PNPLA6: variants seen among roughly 807,000 people sequenced by gnomAD.
The protein encoded by PNPLA6 is patatin-like phospholipase domain-containing protein 6.
In PNPLA6, 105 loss-of-function variants were observed where a neutral mutation model predicts 153.7. The observed-to-expected ratio is 0.68, with a 90% CI of 0.58 to 0.80. PNPLA6 has a LOEUF of 0.80. PNPLA6 is among the 30% of genes least tolerant of loss of function. The pLI is 0.00. For missense variants in PNPLA6, 1,423 were observed against 1,919.3 expected (o/e 0.74, Z 4.83); for synonymous variants, 825 against 822.2 (o/e 1.00, Z -0.06).
Position 7,561,053 on chromosome 19 carries a change from G to C in PNPLA6, c.3856G>C (p.Glu1286Gln). ...FPSSGFTDLA[E>Q]IVSRIEPPTS... ...AAGCTCTGGCTTCACTGACTTGGCA[G>C]AGATTGTGTCCCGGATTGAGCCCCC... The change falls in exon 30 of 32, where the codon GAG becomes CAG. Residue 1286 changes from glutamate to glutamine, a missense_variant. Glu to Gln is a conservative substitution (Grantham distance 29, BLOSUM62 2). This residue lies in a region of PNPLA6 where 643 missense variants were observed against 835.2 expected (regional missense o/e 0.77). Transcript: ENST00000600737. The C allele has an allele frequency of 6.2e-7, 1 of 1,613,460 alleles. No individual in the cohort carries two copies. The highest frequency in any genetic ancestry group is 1.1e-5 in the South Asian group (1 of 90,844).
chr19:7,535,560 C>T (rs759671675), upstream of PNPLA6: 17 of 1,604,536 alleles, frequency 1.1e-5, no homozygotes, highest in Non-Finnish European at 1.2e-5. This position sits in a 1 kb window ranked among gnomAD's most constrained non-coding sequence, Gnocchi z 5.0. Flanking sequence ...GATGGAGGCT[C>T]CGCTGCAAAC....
Position 7,554,977 on chromosome 19 carries a change from C to G in PNPLA6, c.2719C>G (p.Arg907Gly). 1 of 1,592,452 alleles carries G rather than the reference C, an allele frequency of 6.3e-7. No homozygotes were observed. The highest frequency in any genetic ancestry group is 1.7e-5 in the Admixed American group (1 of 59,068). The change falls in exon 22 of 32, where the codon CGC becomes GGC. Residue 907 changes from arginine to glycine, a missense_variant. Transcript: ENST00000600737. ...CCGAGAGGAGGGCGCGGGCCCCACG[C>G]GCACCGTGGAGTGGCTAAATATGCG... is the stretch of plus-strand genomic sequence containing the variant. ...LHREEGAGPT[R>G]TVEWLNMRSW...
chr19:7,549,485 CT>C (rs1475730051), intron 13 of PNPLA6, among the ~76,000 whole-genome samples: 1 of 46,838 alleles, frequency 2.1e-5, no homozygotes, highest in African/African-American at 9.3e-5. Context: ...CGCGCCTGGC[CT>C]TCTTCTTCTT....
rs764984037 is a variant in PNPLA6 at position 7,536,246 on chromosome 19, C to T, written c.288C>T (p.Leu96=). 2.7e-5 allele frequency: 44 copies of T among 1,613,832 alleles called. No individual in the cohort carries two copies. Among genetic ancestry groups the T allele is most frequent in the Non-Finnish European group, 3.6e-5 (42 of 1,179,878 alleles). Residue 96 remains leucine, a synonymous_variant, in exon 2 of 32, where the codon CTC becomes CTT. Coordinates refer to ENST00000600737, the MANE Select transcript of PNPLA6 (RefSeq NM_001166114.2). ...GGTTCCGGAAGAGGGACAAAGTGCTCTTCTATGGCCGGAAGATTATGCGGA... is the reference window on the plus strand; with the variant it reads ...GGTTCCGGAAGAGGGACAAAGTGCTTTTCTATGGCCGGAAGATTATGCGGA... ...RYRFRKRDKV[L]FYGRKIMRKV... is the part of the protein sequence containing the mutation.
At chr19:7,559,297 T>C (rs909025929) in intron 28 of PNPLA6, 146 bp downstream of exon 28, 8 of 766,976 alleles carry the variant, frequency 1.0e-5, no homozygotes, top group African/African-American at 1.7e-5. Flanking sequence ...CAGTGATCAA[T>C]TGGTGATGTC....
Position 7,554,564 on chromosome 19 carries a change from G to A in PNPLA6, c.2475G>A (p.Glu825=), listed in dbSNP as rs747350161. 18 of 1,613,986 alleles carry A rather than the reference G, an allele frequency of 1.1e-5. No homozygotes were observed. The highest frequency in any genetic ancestry group is 1.4e-5 in the Non-Finnish European group (17 of 1,180,010). The change falls in exon 21 of 32, where the codon GAG becomes GAA. Residue 825 remains glutamate (E), a synonymous_variant. Transcript: ENST00000600737. The part of the protein sequence containing the change: ...LGASALDSIQ[E]FRLSGWLAQQ... The stretch of plus-strand genomic sequence containing the variant: ...CCCCTTCCCACCCTAGCATCCAAGA[G>A]TTCCGGCTGTCAGGGTGGCTGGCCC...
At position 7,548,118 on chromosome 19, in the gene PNPLA6, G is replaced by T. The variant is rs140499507; in HGVS notation, c.1609-1789G>T. Among the ~76,000 whole-genome samples the T allele has an allele frequency of 6.2e-3, 941 of 151,466 alleles. 9 individuals are homozygous for T. Among genetic ancestry groups the T allele is most frequent in the African/African-American group, 0.022 (893 of 41,388 alleles). On this transcript the variant is annotated intron_variant, in intron 13 of 31. Coordinates refer to ENST00000600737, the MANE Select transcript of PNPLA6 (RefSeq NM_001166114.2). ...CCCAGCACTTTGAGAGGCCAAGGCG[G>T]TTGGATCACTGAGGTCAGGAGTTCA...
In PNPLA6 at chr19:7,541,737, C is replaced by T. The variant is rs575314762; in HGVS notation, c.1168+53C>T. On this transcript the variant is annotated intron_variant, in intron 9 of 31. Transcript: ENST00000600737. The surrounding 1 kb of genome is among the most constrained non-coding windows in gnomAD (Gnocchi z 5.2). The stretch of plus-strand genomic sequence containing the variant: ...CCCAATCTCCCAGGAAGCCCCGTCT[C>T]AGCCGCCAGCCCCTTTTTCAGTTCT... 4 of 1,523,954 alleles carry T rather than the reference C, an allele frequency of 2.6e-6. No individual in the cohort carries two copies. In the African/African-American group the frequency reaches 5.5e-5, roughly 21 times the overall value. 94.4% of individuals were successfully genotyped at this position (1,523,954 alleles called of 1,614,324 possible). A position where few individuals can be genotyped will look rare whatever the true frequency, so the allele number is the denominator to read the frequency against.
intron 29 of PNPLA6, 124 bp downstream of exon 29, chr19:7,560,888 C>T: frequency 1.2e-6 from 1 of 847,914 alleles, no homozygotes; most frequent in South Asian, 1.4e-5. Flanking sequence ...GCTCTCAGAC[C>T]TCTGCTGACT....
upstream of PNPLA6, chr19:7,534,769 C>T (rs2022760661): frequency 6.6e-6 from 1 of 152,514 alleles, no homozygotes; most frequent in African/African-American, 2.4e-5. Flanking sequence ...CACCATCGGT[C>T]CCGGAGTCCC....
chr19:7,540,081 G>T lies in PNPLA6; in HGVS notation c.554+23G>T. On this transcript the variant is annotated intron_variant, in intron 4 of 31. Coordinates refer to ENST00000600737, the MANE Select transcript of PNPLA6 (RefSeq NM_001166114.2). The surrounding 1 kb of genome is among the most constrained non-coding windows in gnomAD (Gnocchi z 6.8). ...CCGGTCAGTGTTGGGGTGCAGGTGG[G>T]GGTGGAGGGCTGCAGACGTGGGGCC... 1.2e-6 allele frequency: 2 copies of T among 1,614,034 alleles called. No homozygotes were observed. Among genetic ancestry groups the T allele is most frequent in the South Asian group, 2.2e-5 (2 of 91,080 alleles).
chr19:7,560,960 G>T (rs890440189), intron 29 of PNPLA6, 54 bp from the exon 30 acceptor site: 26 of 1,190,248 alleles, frequency 2.2e-5, no homozygotes, highest in Non-Finnish European at 2.9e-5. Context: ...GCCCCCCAGG[G>T]GCCCCAAGAC....
chr19:7,541,790 C>G lies in PNPLA6; in HGVS notation c.1168+106C>G. ...ATAGAGTCAACCTGACCTTGTCCAG[C>G]CCCACAGGGACTCCATAGCGGGGTA... is the stretch of plus-strand genomic sequence containing the variant. On this transcript the variant is annotated intron_variant, in intron 9 of 31. Transcript: ENST00000600737. The surrounding 1 kb of genome is among the most constrained non-coding windows in gnomAD (Gnocchi z 5.2). 1.5e-6 allele frequency: 2 copies of G among 1,307,564 alleles called. No individual in the cohort carries two copies. Among genetic ancestry groups the G allele is most frequent in the Non-Finnish European group, 2.1e-6 (2 of 938,926 alleles). The allele number at this position is 1,307,564 out of a possible 1,614,324, so 81.0% of individuals were successfully genotyped here.
chr19:7,552,773 GA>G (rs10714939), intron 18 of PNPLA6, among the ~76,000 whole-genome samples: 55,838 of 123,020 alleles, frequency 0.45, 12,696 homozygotes, highest in African/African-American at 0.65. Flanking sequence ...AAAAAAGAAA[GA>G]AAAAAAAAAA....
chr19:7,540,339 G>A lies in PNPLA6; in HGVS notation c.714+31G>A, dbSNP rs1174374839. ...TGGGCCTCCCCAGGGGCTGCTGCAG[G>A]AGGATGGGTGGTGGGGATGGGCAGC... On this transcript the variant is annotated intron_variant, in intron 5 of 31. Coordinates refer to ENST00000600737, the MANE Select transcript of PNPLA6 (RefSeq NM_001166114.2). This position sits in a 1 kb window ranked among gnomAD's most constrained non-coding sequence, Gnocchi z 6.8. 4 of 1,588,560 alleles carry A rather than the reference G, an allele frequency of 2.5e-6. No individual in the cohort carries two copies. In the Admixed American group the frequency reaches 5.1e-5, roughly 20 times the overall value.
In PNPLA6 at chr19:7,559,106, C is replaced by T. The variant is rs377515453; in HGVS notation, c.3654C>T (p.Ile1218=). ...ACTGCGAGTACCTGCGCCCGCCCAT[C>T]GACTGCTTCAAGACCATGGACTTTG... ...SSYCEYLRPP[I]DCFKTMDFGK... The change falls in exon 28 of 32, where the codon ATC becomes ATT. Residue 1218 remains isoleucine (I), a synonymous_variant. Transcript: ENST00000600737. The T allele has an allele frequency of 6.0e-5, 97 of 1,614,104 alleles. No homozygotes were observed. The highest frequency in any genetic ancestry group is 7.1e-5 in the Non-Finnish European group (84 of 1,180,048).
At position 7,558,920 on chromosome 19, in the gene PNPLA6, C is replaced by A; in HGVS notation, c.3468C>A (p.Asp1156Glu). 6.2e-7 allele frequency: 1 copy of A among 1,614,094 alleles called. No individual in the cohort carries two copies. Among genetic ancestry groups the A allele is most frequent in the South Asian group, 1.1e-5 (1 of 91,080 alleles). Residue 1156 changes from aspartate to glutamate, a missense_variant, in exon 28 of 32, where the codon GAC becomes GAA. By Grantham distance (45) the Asp-to-Glu change is conservative. Transcript: ENST00000600737. ...AIDVGSQDET[D>E]LSTYGDSLSG... ...ACGTGGGGAGCCAGGATGAGACGGA[C>A]CTCAGCACCTACGGGGACAGCCTGT...
rs1238748321 is a variant in PNPLA6 at position 7,539,945 on chromosome 19, C to T, written c.441C>T (p.Pro147=). 6 of 1,561,804 alleles carry T rather than the reference C, an allele frequency of 3.8e-6. No homozygotes were observed. The highest frequency in any genetic ancestry group is 5.2e-6 in the Non-Finnish European group (6 of 1,154,342). Residue 147 remains proline (P), a synonymous_variant, in exon 4 of 32, where the codon CCC becomes CCT. Coordinates refer to ENST00000600737, the MANE Select transcript of PNPLA6 (RefSeq NM_001166114.2). ...TCCTGCGCATCCAGAAAGAGACGCCCACGCTGCAGCGGAAGGAGCCCCCGC... is the reference window on the plus strand; with the variant it reads ...TCCTGCGCATCCAGAAAGAGACGCCTACGCTGCAGCGGAAGGAGCCCCCGC... The part of the protein sequence containing the change: ...KKILRIQKET[P]TLQRKEPPPA...
rs2023119050 is a variant in PNPLA6, at chr19:7,541,153, G to A, written c.924+102G>A. 4 of 1,400,870 alleles carry A rather than the reference G, an allele frequency of 2.9e-6. No individual in the cohort carries two copies. Among genetic ancestry groups the A allele is most frequent in the Admixed American group, 1.9e-5 (1 of 51,546 alleles). The allele number at this position is 1,400,870 out of a possible 1,614,324, so 86.8% of individuals were successfully genotyped here. ...CGAGGCCCAGCAGCCAGCAGGCGCT[G>A]GAGCTGTGGTTATCGGCCTGGAGCA... On this transcript the variant is annotated intron_variant, in intron 7 of 31. Coordinates refer to ENST00000600737, the MANE Select transcript of PNPLA6 (RefSeq NM_001166114.2). The surrounding 1 kb of genome is among the most constrained non-coding windows in gnomAD (Gnocchi z 5.2).
Sources: allele counts gnomAD v4.1 joint callset (sites outside exome capture counted in the v4.1 genomes callset), GRCh38; gene constraint gnomAD v4.1.1; regional missense constraint gnomAD v4.1.1; non-coding constraint Gnocchi (gnomAD v3.1); transcripts MANE v1.5; gene names NCBI Gene and HGNC (gene_info 2026-07-23, HGNC 2026-07-21).